IGSF11: variants seen among roughly 807,000 people sequenced by gnomAD.
The protein encoded by IGSF11 is CXADR like 1.
Under a neutral mutation model 41.0 loss-of-function variants are expected in IGSF11, and 22 were observed. That is an observed-to-expected ratio of 0.54 (90% CI 0.38 to 0.77). IGSF11 has a LOEUF of 0.77. Ranked by LOEUF, IGSF11 falls within the 30% of genes least tolerant of loss-of-function variation. The pLI, the probability that IGSF11 is intolerant of heterozygous loss-of-function variation, is 0.00. For synonymous variants in IGSF11, 219 were observed against 201.3 expected, an observed-to-expected ratio of 1.09 and a Z score of -0.74; for missense variants, 444 against 530.8, an observed-to-expected ratio of 0.84 and a Z score of 1.61.
At chr3:119,085,016 G>C (rs1254769240) in intron 1 of IGSF11, among the ~76,000 whole-genome samples, 1 of 152,162 alleles carries the variant, frequency 6.6e-6, no homozygotes, top group Admixed American at 6.5e-5. Context: ...TAAGGGTGTG[G>C]CCTATCTCCC....
intron 1 of IGSF11, among the ~76,000 whole-genome samples, chr3:119,000,111 G>A (rs1405490498): frequency 1.5e-5 from 1 of 64,586 alleles, no homozygotes; most frequent in Admixed American, 2.3e-4. Context: ...CCCATTTATT[G>A]TAAATATGAA....
At chr3:119,069,282 T>C (rs1204199527) in intron 1 of IGSF11, among the ~76,000 whole-genome samples, 2 of 152,122 alleles carry the variant, frequency 1.3e-5, no homozygotes, top group Admixed American at 6.6e-5. Flanking sequence ...ATGCTTACAT[T>C]TTAGTAGGTT....
At chr3:119,123,028 G>A (rs2077354337) in intron 1 of IGSF11, among the ~76,000 whole-genome samples, 1 of 152,168 alleles carries the variant, frequency 6.6e-6, no homozygotes, top group African/African-American at 2.4e-5. Flanking sequence ...ATGGGGTAGA[G>A]TACCAGTTGG....
At chr3:119,076,065 A>G (rs2076492478) in intron 1 of IGSF11, among the ~76,000 whole-genome samples, 1 of 152,228 alleles carries the variant, frequency 6.6e-6, no homozygotes, top group Admixed American at 6.5e-5. Flanking sequence ...AAACAGAGAT[A>G]TAGATCAATG....
intron 1 of IGSF11, among the ~76,000 whole-genome samples, chr3:119,032,672 C>CAATT: frequency 6.6e-6 from 1 of 152,158 alleles, no homozygotes; most frequent in East Asian, 1.9e-4. Context: ...CCATCTGAGC[C>CAATT]AATTCATACC....
chr3:118,928,097 C>G (rs1191805991), intron 3 of IGSF11, among the ~76,000 whole-genome samples: 2 of 152,112 alleles, frequency 1.3e-5, no homozygotes. Context: ...TGTGGTGATC[C>G]TACTCGGTGT....
intron 1 of IGSF11, among the ~76,000 whole-genome samples, chr3:119,004,922 A>G (rs1331227661): frequency 6.6e-6 from 1 of 151,968 alleles, no homozygotes; most frequent in African/African-American, 2.4e-5. Context: ...TGTGGTGCTG[A>G]AAAAAATGTA....
chr3:119,034,625 G>A lies in IGSF11; in HGVS notation c.-43C>T, dbSNP rs778127761. On this transcript the variant is annotated 5_prime_UTR_variant, in exon 1 of 7. Transcript: ENST00000393775. Reference sequence around the variant, plus strand: ...CGCGCCTGCCTCCTACCCGGCTCCCGGTCGCAACAGGAGAGGAGCGGGCGT... The same window carrying A: ...CGCGCCTGCCTCCTACCCGGCTCCCAGTCGCAACAGGAGAGGAGCGGGCGT... 7.3e-5 allele frequency: 113 copies of A among 1,549,134 alleles called. No homozygotes were observed. Among genetic ancestry groups the A allele is most frequent in the Admixed American group, 3.1e-4 (16 of 51,674 alleles).
chr3:119,104,719 A>G (rs551848721), intron 1 of IGSF11, among the ~76,000 whole-genome samples: 1 of 152,266 alleles, frequency 6.6e-6, no homozygotes, highest in East Asian at 1.9e-4. Context: ...TTAGAACAAC[A>G]AACTGACTAT....
intron 1 of IGSF11, among the ~76,000 whole-genome samples, chr3:118,984,242 C>A (rs1261093943): frequency 1.3e-5 from 2 of 151,086 alleles, no homozygotes; most frequent in East Asian, 1.9e-4. Flanking sequence ...CCCCTTATAA[C>A]CAGAAAAAGC....
intron 1 of IGSF11, among the ~76,000 whole-genome samples, chr3:119,025,383 CTAAA>C (rs1429076816): frequency 6.7e-6 from 1 of 149,810 alleles, no homozygotes; most frequent in Admixed American, 6.6e-5. Context: ...GTGGCACACC[CTAAA>C]TAGACTCATC....
Position 119,051,983 on chromosome 3 carries a change from A to C in IGSF11, c.49+53161T>G, listed in dbSNP as rs1012555150. 3.9e-5 allele frequency among the ~76,000 whole-genome samples: 6 copies of C among 152,254 alleles called. 1 individual carries two copies. The highest frequency in any genetic ancestry group is 3.9e-4 in the East Asian group (2 of 5,180). ...CCTCTGGGATACAGTAAAAGCAGTG[A>C]TAAGAGGAAAGTTCATAGCATTAAA... On this transcript the variant is annotated intron_variant, in intron 1 of 6. Transcript: ENST00000354673.
At chr3:118,949,017 AT>A (rs1230473381) in intron 1 of IGSF11, among the ~76,000 whole-genome samples, 1 of 151,786 alleles carries the variant, frequency 6.6e-6, no homozygotes, top group South Asian at 2.1e-4. Flanking sequence ...TAAAGGCACA[AT>A]TTTTTTATAT....
chr3:118,933,779 G>C (rs1307717575), intron 1 of IGSF11, among the ~76,000 whole-genome samples: 1 of 151,996 alleles, frequency 6.6e-6, no homozygotes, highest in Non-Finnish European at 1.5e-5. Context: ...TTTAAAACTA[G>C]AATGGACTTT....
At chr3:119,100,509 C>G (rs2076923121) in intron 1 of IGSF11, among the ~76,000 whole-genome samples, 1 of 152,192 alleles carries the variant, frequency 6.6e-6, no homozygotes, top group Admixed American at 6.5e-5. Context: ...ACGTTGCCTA[C>G]TTGCCACATG....
chr3:119,102,384 T>C (rs1292870797), intron 1 of IGSF11, among the ~76,000 whole-genome samples: 4 of 152,252 alleles, frequency 2.6e-5, no homozygotes, highest in Non-Finnish European at 4.4e-5. Context: ...TGATTGCTGC[T>C]GTGGAGGTCT....
intron 1 of IGSF11, among the ~76,000 whole-genome samples, chr3:118,936,992 G>A (rs1342215341): frequency 1.1e-4 from 17 of 152,182 alleles, no homozygotes; most frequent in Admixed American, 9.8e-4. Flanking sequence ...TGTTCACAAT[G>A]GGGACTGGCC....
chr3:118,984,942 A>G (rs923739928), intron 1 of IGSF11, among the ~76,000 whole-genome samples: 2 of 152,178 alleles, frequency 1.3e-5, no homozygotes, highest in African/African-American at 4.8e-5. Flanking sequence ...AGGCAGGATG[A>G]GTCATGTGAG....
At chr3:119,103,571 T>C (rs1335195317) in intron 1 of IGSF11, among the ~76,000 whole-genome samples, 2 of 152,190 alleles carry the variant, frequency 1.3e-5, no homozygotes, top group African/African-American at 4.8e-5. Flanking sequence ...TTAACAGTTA[T>C]GTTTCTTATG....
Sources: gnomAD v4.1 joint callset for allele counts (sites outside exome capture counted in the v4.1 genomes callset) on GRCh38, gnomAD v4.1.1 for gene constraint, MANE v1.5 for transcripts, NCBI Gene and HGNC (gene_info 2026-07-23, HGNC 2026-07-21) for gene names.